The following CDKAL1 variants were observed in gnomAD, a reference collection of about 807,000 sequenced individuals.
CDKAL1 encodes the protein CDKAL1 threonylcarbamoyladenosine tRNA methylthiotransferase, also known as threonylcarbamoyladenosine tRNA methylthiotransferase.
In CDKAL1, 32 loss-of-function variants were observed where a neutral mutation model predicts 68.2. That is an observed-to-expected ratio of 0.47 (90% CI 0.35 to 0.63). The LOEUF is 0.63. CDKAL1 is among the 30% of genes least tolerant of loss of function. CDKAL1 has a pLI of 0.00. For synonymous variants in CDKAL1, 234 were observed against 244.3 expected (o/e 0.96, Z 0.39); for missense variants, 606 against 696.7 (o/e 0.87, Z 1.47).
intron 5 of CDKAL1, among the ~76,000 whole-genome samples, chr6:20,729,766 G>A (rs1305642951): frequency 3.3e-5 from 5 of 152,148 alleles, no homozygotes; most frequent in African/African-American, 1.2e-4. Context: ...TTAAGTCTGG[G>A]TGCTAACTAT....
chr6:20,736,048 C>G (rs773196719), intron 5 of CDKAL1, among the ~76,000 whole-genome samples: 1 of 152,176 alleles, frequency 6.6e-6, no homozygotes, highest in South Asian at 2.1e-4. Flanking sequence ...GCTAGAATCT[C>G]AGATTCAGTG....
intron 12 of CDKAL1, among the ~76,000 whole-genome samples, chr6:21,107,427 T>C (rs1773905331): frequency 6.6e-6 from 1 of 151,914 alleles, no homozygotes; most frequent in Admixed American, 6.6e-5. Flanking sequence ...TTTCTTTCTT[T>C]TGTTTTGTTT....
chr6:21,214,292 C>T (rs1033943738), intron 15 of CDKAL1, among the ~76,000 whole-genome samples: 16 of 151,408 alleles, frequency 1.1e-4, no homozygotes, highest in African/African-American at 3.7e-4. Context: ...TTGTGTACTT[C>T]AAAATTGTTC....
intron 8 of CDKAL1, among the ~76,000 whole-genome samples, chr6:20,816,316 T>G (rs1581635508): frequency 1.3e-5 from 2 of 152,210 alleles, no homozygotes; most frequent in Non-Finnish European, 2.9e-5. Context: ...ATTGTTACTT[T>G]CCTTTCTGTT....
intron 13 of CDKAL1, among the ~76,000 whole-genome samples, chr6:21,135,221 G>T (rs905269920): frequency 1.3e-5 from 2 of 152,204 alleles, no homozygotes; most frequent in South Asian, 2.1e-4. Context: ...TAGTCTGAGT[G>T]AGATTTTTGT....
At chr6:20,986,440 C>T (rs892148439) in intron 10 of CDKAL1, among the ~76,000 whole-genome samples, 24 of 152,060 alleles carry the variant, frequency 1.6e-4, no homozygotes, top group African/African-American at 4.6e-4. Flanking sequence ...AAGAAACATG[C>T]ATTGCTTTTA....
Position 21,082,873 on chromosome 6 carries a change from TG to T in CDKAL1, c.1236+17646del, listed in dbSNP as rs1487421825. Among the ~76,000 whole-genome samples, 332 of 131,378 alleles carry T rather than the reference TG, an allele frequency of 2.5e-3. 1 individual carries two copies. The highest frequency in any genetic ancestry group is 8.6e-3 in the African/African-American group (315 of 36,820). The allele number at this position is 131,378 out of a possible 152,430, so 86.2% of individuals were successfully genotyped here. On this transcript the variant is annotated intron_variant, in intron 12 of 15. Transcript: ENST00000274695. ...ACGTGAAATTCATTTATGTTTCTTT[TG>T]TTTTTTTTTTTTTTTTTGAGACAGG...
At chr6:21,177,872 T>G (rs760212824) in intron 13 of CDKAL1, among the ~76,000 whole-genome samples, 1 of 152,216 alleles carries the variant, frequency 6.6e-6, no homozygotes, top group Non-Finnish European at 1.5e-5. Context: ...CAAATCAGAA[T>G]GTTGAACAAA....
intron 13 of CDKAL1, among the ~76,000 whole-genome samples, chr6:21,148,881 C>CT (rs1776289753): frequency 6.6e-6 from 1 of 151,930 alleles, no homozygotes; most frequent in Admixed American, 6.5e-5. Flanking sequence ...CCATTCATGA[C>CT]TAAAAAAGAA....
At chr6:20,809,483 A>G (rs895075105) in intron 8 of CDKAL1, among the ~76,000 whole-genome samples, 1 of 152,194 alleles carries the variant, frequency 6.6e-6, no homozygotes, top group African/African-American at 2.4e-5. Context: ...CAGAGAATTT[A>G]ATGTATTGAT....
chr6:21,081,715 G>A (rs1772416732), intron 12 of CDKAL1, among the ~76,000 whole-genome samples: 2 of 151,500 alleles, frequency 1.3e-5, no homozygotes, highest in Non-Finnish European at 1.5e-5. Flanking sequence ...GGGACTACAG[G>A]TGCCCGCCAC....
Position 21,135,760 on chromosome 6 carries a change from A to C in CDKAL1, c.1299+27297A>C, listed in dbSNP as rs898729141. 10 of 934,404 alleles carry C rather than the reference A, an allele frequency of 1.1e-5. No individual in the cohort carries two copies. The Admixed American group carries it at 3.1e-4, about 29-fold the overall frequency. 57.9% of individuals were successfully genotyped at this position (934,404 alleles called of 1,614,324 possible). A position where few individuals can be genotyped will look rare whatever the true frequency, so the allele number is the denominator to read the frequency against. ...AACCATTTCATTCGCTCAGGAAGGCAGTGCCAGAAAGACAGCTTTCAAGAG... is the reference window on the plus strand; with the variant it reads ...AACCATTTCATTCGCTCAGGAAGGCCGTGCCAGAAAGACAGCTTTCAAGAG... On this transcript the variant is annotated intron_variant, in intron 13 of 15. Coordinates refer to ENST00000274695, the MANE Select transcript of CDKAL1 (RefSeq NM_017774.3).
chr6:20,985,583 C>G (rs1323539541), intron 10 of CDKAL1, among the ~76,000 whole-genome samples: 4 of 152,198 alleles, frequency 2.6e-5, no homozygotes, highest in African/African-American at 9.6e-5. Context: ...GCGTGGGCCA[C>G]TGCACCCCAC....
chr6:20,636,034 G>T (rs1054875574), intron 4 of CDKAL1, among the ~76,000 whole-genome samples: 1 of 152,148 alleles, frequency 6.6e-6, no homozygotes, highest in Admixed American at 6.5e-5. Flanking sequence ...CGTCTTCAGA[G>T]ATAAGGATGT....
chr6:20,739,667 T>A, intron 6 of CDKAL1, 52 bp downstream of exon 6: 1 of 951,130 alleles, frequency 1.1e-6, no homozygotes, highest in Non-Finnish European at 1.7e-6. Context: ...TTAACACCTG[T>A]AATAGCTCCG....
intron 15 of CDKAL1, among the ~76,000 whole-genome samples, chr6:21,205,959 C>G (rs374370178): frequency 1.3e-5 from 2 of 151,166 alleles, no homozygotes; most frequent in African/African-American, 2.4e-5. Context: ...CTCAACCTCC[C>G]GAATAGCTGG....
intron 4 of CDKAL1, among the ~76,000 whole-genome samples, chr6:20,618,412 G>A (rs1451527589): frequency 2.0e-5 from 3 of 152,122 alleles, no homozygotes; most frequent in African/African-American, 7.2e-5. Context: ...AAGCTCTTTA[G>A]TTTAATTAGA....
chr6:20,803,116 T>G (rs1776434308), intron 8 of CDKAL1, among the ~76,000 whole-genome samples: 1 of 152,190 alleles, frequency 6.6e-6, no homozygotes, highest in Non-Finnish European at 1.5e-5. Context: ...TGAAAACTTT[T>G]TTACTTAATA....
At chr6:20,880,449 G>T (rs1581753353) in intron 9 of CDKAL1, among the ~76,000 whole-genome samples, 1 of 152,050 alleles carries the variant, frequency 6.6e-6, no homozygotes, top group East Asian at 1.9e-4. Flanking sequence ...TAGGGACAGG[G>T]TTTCACCATG....
Sources: allele counts gnomAD v4.1 joint callset (sites outside exome capture counted in the v4.1 genomes callset), GRCh38; gene constraint gnomAD v4.1.1; transcripts MANE v1.5; gene names NCBI Gene and HGNC (gene_info 2026-07-23, HGNC 2026-07-21).